OR4F3: variants seen among roughly 807,000 people sequenced by gnomAD.
The protein encoded by OR4F3 is olfactory receptor family 4 subfamily F member 3, also known as olfactory receptor 4F3/4F16/4F29.
At chr5:181,359,479 G>A in the OR4F3 span, among the ~76,000 whole-genome samples, 1 of 105,436 alleles carries the variant, frequency 9.5e-6, no homozygotes, top group Non-Finnish European at 1.7e-5. Flanking sequence ...AACATTTAAT[G>A]TTGCTCTGGA....
upstream of OR4F3, among the ~76,000 whole-genome samples, chr5:181,362,377 A>T (rs1298142919): frequency 8.6e-6 from 1 of 116,162 alleles, no homozygotes; most frequent in African/African-American, 4.5e-5. Context: ...CATAAAAGAC[A>T]TTTTTTTTTC....
the OR4F3 span, among the ~76,000 whole-genome samples, chr5:181,356,991 C>T: frequency 4.5e-5 from 6 of 134,082 alleles, no homozygotes; most frequent in African/African-American, 1.8e-4. Flanking sequence ...TACCTATTTT[C>T]TTTTAATTTG....
chr5:181,358,378 A>T, the OR4F3 span, among the ~76,000 whole-genome samples: 2,203 of 132,188 alleles, frequency 0.017, 364 homozygotes, highest in Middle Eastern at 0.045. Flanking sequence ...GGTAGTAAGT[A>T]TGATGGAAGG....
chr5:181,357,291 CTCT>C, the OR4F3 span, among the ~76,000 whole-genome samples: 3 of 133,906 alleles, frequency 2.2e-5, no homozygotes, highest in South Asian at 7.1e-4. Context: ...TACTATCTTT[CTCT>C]TCTTATTTTT....
At chr5:181,360,965 A>T in the OR4F3 span, among the ~76,000 whole-genome samples, 7 of 118,050 alleles carry the variant, frequency 5.9e-5, no homozygotes, top group African/African-American at 2.8e-4. Flanking sequence ...TTGAATTTGT[A>T]CTTTTCCCCC....
At chr5:181,363,900 A>T (rs199801075), upstream of OR4F3, among the ~76,000 whole-genome samples, 1 of 72,968 alleles carries the variant, frequency 1.4e-5, no homozygotes, top group Non-Finnish European at 2.5e-5. Context: ...CCCAATGTCA[A>T]AGTCCGTAGC....
At chr5:181,357,379 G>T in the OR4F3 span, among the ~76,000 whole-genome samples, 2 of 129,650 alleles carry the variant, frequency 1.5e-5, 1 homozygote, top group Non-Finnish European at 3.2e-5. Context: ...GCAAACCCCA[G>T]AACATTTTGA....
the OR4F3 span, among the ~76,000 whole-genome samples, chr5:181,358,331 G>A: frequency 2.3e-5 from 3 of 131,594 alleles, no homozygotes; most frequent in Non-Finnish European, 4.8e-5. Flanking sequence ...GAATATTCTA[G>A]ATACTTGTGT....
the OR4F3 span, among the ~76,000 whole-genome samples, chr5:181,354,648 C>G: frequency 1.8e-5 from 2 of 114,088 alleles, 1 homozygote; most frequent in African/African-American, 7.9e-5. Flanking sequence ...CACTGTGTGC[C>G]TGGAAAAGCT....
At chr5:181,357,087 T>C in the OR4F3 span, among the ~76,000 whole-genome samples, 9 of 134,682 alleles carry the variant, frequency 6.7e-5, 1 homozygote, top group African/African-American at 2.8e-4. Flanking sequence ...CTCCATTGAC[T>C]CTTTTAATAT....
At chr5:181,361,807 A>G in the OR4F3 span, among the ~76,000 whole-genome samples, 15 of 98,264 alleles carry the variant, frequency 1.5e-4, no homozygotes, top group Middle Eastern at 4.8e-3. Context: ...GCTTGCTTTG[A>G]CCTCCCAAAG....
At chr5:181,357,112 C>T in the OR4F3 span, among the ~76,000 whole-genome samples, 1 of 134,424 alleles carries the variant, frequency 7.4e-6, no homozygotes, top group East Asian at 2.0e-4. Flanking sequence ...CCACTTTACC[C>T]CTTAAACCCA....
At chr5:181,362,410 T>G (rs1201913480), upstream of OR4F3, among the ~76,000 whole-genome samples, 2 of 120,488 alleles carry the variant, frequency 1.7e-5, no homozygotes, top group East Asian at 4.3e-4. Context: ...GAATTGAAAC[T>G]TATGGCTTTA....
the OR4F3 span, among the ~76,000 whole-genome samples, chr5:181,354,438 T>C: frequency 7.6e-6 from 1 of 130,874 alleles, no homozygotes; most frequent in Non-Finnish European, 1.6e-5. Flanking sequence ...TCAGAGAATG[T>C]ATGGAAATGC....
At chr5:181,357,243 C>T in the OR4F3 span, among the ~76,000 whole-genome samples, 1 of 134,602 alleles carries the variant, frequency 7.4e-6, no homozygotes, top group African/African-American at 3.1e-5. Context: ...TGTTGATTCT[C>T]TCCCACTGTG....
At chr5:181,358,666 C>G in the OR4F3 span, among the ~76,000 whole-genome samples, 2 of 49,308 alleles carry the variant, frequency 4.1e-5, no homozygotes, top group African/African-American at 2.4e-4. Context: ...CTCTGTCACT[C>G]TGTGGAGGGT....
chr5:181,359,667 C>G, the OR4F3 span, among the ~76,000 whole-genome samples: 2 of 133,638 alleles, frequency 1.5e-5, no homozygotes, highest in Non-Finnish European at 3.2e-5. Context: ...GCCGTGTGAT[C>G]TCAGTCTGGC....
chr5:181,354,839 G>A, the OR4F3 span, among the ~76,000 whole-genome samples: 21 of 131,388 alleles, frequency 1.6e-4, 2 homozygotes, highest in African/African-American at 2.3e-4. Context: ...ACTGGATTTC[G>A]GACTTGCTTG....
At chr5:181,354,380 G>GGATTCAC in the OR4F3 span, among the ~76,000 whole-genome samples, 3 of 130,296 alleles carry the variant, frequency 2.3e-5, 1 homozygote, top group Admixed American at 1.5e-4. Context: ...TTGAGCCTGT[G>GGATTCAC]GATTCACGGA....
Sources: allele counts gnomAD v4.1 joint callset (sites outside exome capture counted in the v4.1 genomes callset), GRCh38; gene constraint gnomAD v4.1.1; transcripts MANE v1.5; gene names NCBI Gene and HGNC (gene_info 2026-07-23, HGNC 2026-07-21).